Variants in GDA observed in about 807,000 individuals in gnomAD.
GDA encodes guanine deaminase.
A neutral mutation model predicts 59.6 loss-of-function variants in GDA; 18 were observed. The observed-to-expected ratio is 0.30, with a 90% confidence interval of 0.21 to 0.45. The LOEUF is 0.45. Ranked by LOEUF, GDA falls within the 20% of genes least tolerant of loss-of-function variation. The pLI is 1.00. For synonymous variants in GDA, 201 were observed against 201.1 expected (o/e 1.00, Z 0.00); for missense variants, 427 against 552.3 (o/e 0.77, Z 2.27).
chr9:72,230,751 G>A (rs1044467669), intron 9 of GDA, among the ~76,000 whole-genome samples: 1 of 152,166 alleles, frequency 6.6e-6, no homozygotes, highest in African/African-American at 2.4e-5. Flanking sequence ...TATAATTTCT[G>A]CTTCCTAACA....
Position 72,222,068 on chromosome 9 carries a change from T to C in GDA, c.607-1052T>C, listed in dbSNP as rs114343539. On this transcript the variant is annotated intron_variant, in intron 6 of 13. Coordinates refer to ENST00000358399, the MANE Select transcript of GDA (RefSeq NM_004293.5). The stretch of plus-strand genomic sequence containing the variant: ...CAGAATGATTTATTTCCTTTTGGTA[T>C]ATACCCTGTAATGGGATTGTTGAGT... 9.3e-3 allele frequency among the ~76,000 whole-genome samples: 1,418 copies of C among 152,340 alleles called. 20 individuals are homozygous for C. Among genetic ancestry groups the C allele is most frequent in the African/African-American group, 0.033 (1,363 of 41,586 alleles).
downstream of GDA, chr9:72,257,394 A>G (rs1840898657): frequency 6.6e-6 from 1 of 152,176 alleles, no homozygotes; most frequent in Non-Finnish European, 1.5e-5. Context: ...TAGCCTTCTT[A>G]TTTCCCCCAC....
intron 2 of GDA, among the ~76,000 whole-genome samples, chr9:72,200,610 T>C (rs1176985466): frequency 2.0e-5 from 3 of 151,026 alleles, no homozygotes; most frequent in African/African-American, 7.3e-5. Context: ...GAAATATTAT[T>C]TGGTTAAACA....
downstream of GDA, among the ~76,000 whole-genome samples, chr9:72,256,528 C>T (rs533922641): frequency 3.6e-4 from 55 of 152,288 alleles, no homozygotes; most frequent in South Asian, 6.2e-4. Flanking sequence ...GAATCTTTCA[C>T]AGAAGTGACA....
intron 1 of GDA, among the ~76,000 whole-genome samples, chr9:72,126,334 A>G (rs1233069611): frequency 2.6e-5 from 4 of 152,148 alleles, no homozygotes; most frequent in Non-Finnish European, 5.9e-5. Context: ...CATCCAACAG[A>G]CATTTTTTGA....
At chr9:72,161,587 C>G (rs1828635869) in intron 1 of GDA, among the ~76,000 whole-genome samples, 1 of 152,148 alleles carries the variant, frequency 6.6e-6, no homozygotes. Flanking sequence ...TTAACTCTGA[C>G]TATGTTAAGG....
chr9:72,151,395 G>T (rs1295112364), intron 1 of GDA, among the ~76,000 whole-genome samples: 1 of 152,114 alleles, frequency 6.6e-6, no homozygotes, highest in Non-Finnish European at 1.5e-5. Flanking sequence ...CAAGGCAGTT[G>T]ATACCTGGCT....
rs956618463 is a variant in GDA, at chr9:72,150,958, C to T, written c.123+1276C>T. Among the ~76,000 whole-genome samples, 5 of 152,022 alleles carry T rather than the reference C, an allele frequency of 3.3e-5. No individual in the cohort carries two copies. In the South Asian group the frequency reaches 8.3e-4, roughly 25 times the overall value. On this transcript the variant is annotated intron_variant, in intron 1 of 13. Coordinates refer to ENST00000358399, the MANE Select transcript of GDA (RefSeq NM_004293.5). ...GGGCAAGTCCCAGGAAGCAAAGGAA[C>T]GGAGATTGCTAAACTGGTGTAAGAT...
intron 9 of GDA, among the ~76,000 whole-genome samples, chr9:72,230,393 A>G (rs530776044): frequency 6.6e-6 from 1 of 152,008 alleles, no homozygotes; most frequent in South Asian, 2.1e-4. Context: ...AGGCTGATGT[A>G]GGAGAATCGC....
Position 72,250,141 on chromosome 9 carries a change from C to CA in GDA, c.*1804dup, listed in dbSNP as rs1324817299. ...TCTCCCCATTTCTCTACGGGGCTAGCAAAAATCTTCAGCTTTATCACTCAA... is the reference window on the plus strand; with the variant it reads ...TCTCCCCATTTCTCTACGGGGCTAGCAAAAAATCTTCAGCTTTATCACTCAA... On this transcript the variant is annotated 3_prime_UTR_variant, in exon 14 of 14. Transcript: ENST00000358399. The CA allele has an allele frequency of 2.0e-6, 2 of 984,650 alleles. No homozygotes were observed. The highest frequency in any genetic ancestry group is 1.7e-5 in the African/African-American group (1 of 57,204). The allele number at this position is 984,650 out of a possible 1,614,324, so 61.0% of individuals were successfully genotyped here.
chr9:72,232,476 A>G (rs1247626825), intron 10 of GDA, among the ~76,000 whole-genome samples: 1 of 152,236 alleles, frequency 6.6e-6, no homozygotes, highest in Admixed American at 6.5e-5. Flanking sequence ...GATTGTGATA[A>G]TTCTACATAA....
intron 5 of GDA, among the ~76,000 whole-genome samples, chr9:72,217,302 C>T (rs1038193540): frequency 5.3e-5 from 8 of 152,206 alleles, no homozygotes; most frequent in African/African-American, 1.7e-4. Flanking sequence ...AGCATATTTG[C>T]AGAGACTCCA....
chr9:72,194,543 C>T (rs1219645481), intron 1 of GDA, among the ~76,000 whole-genome samples: 2 of 152,078 alleles, frequency 1.3e-5, no homozygotes, highest in Non-Finnish European at 2.9e-5. Flanking sequence ...AGGAAGGAGT[C>T]TCTTTTGGAG....
At position 72,249,990 on chromosome 9, in the gene GDA, AT is replaced by A; in HGVS notation, c.*1655del. 2 of 957,540 alleles carry A rather than the reference AT, an allele frequency of 2.1e-6. No individual in the cohort carries two copies. The highest frequency in any genetic ancestry group is 2.5e-6 in the Non-Finnish European group (2 of 804,648). The allele number at this position is 957,540 out of a possible 1,614,324, so 59.3% of individuals were successfully genotyped here. On this transcript the variant is annotated 3_prime_UTR_variant, in exon 14 of 14. Transcript: ENST00000358399. ...TAAAGAGGGAACAAAAGTTAGTTTT[AT>A]TTTTTTAATAAACAACAGAGTTTGT...
intron 1 of GDA, among the ~76,000 whole-genome samples, chr9:72,191,245 A>G (rs935393107): frequency 2.0e-5 from 3 of 152,188 alleles, no homozygotes; most frequent in African/African-American, 7.2e-5. Context: ...GACTATGGCT[A>G]TTCCATCTAC....
intron 10 of GDA, among the ~76,000 whole-genome samples, chr9:72,239,589 T>C (rs944581109): frequency 1.3e-5 from 2 of 152,198 alleles, no homozygotes; most frequent in Admixed American, 6.5e-5. Context: ...CATAGTGATA[T>C]AATTTTTATT....
intron 10 of GDA, 21 bp from the exon 11 acceptor site, chr9:72,241,131 G>C: frequency 6.4e-7 from 1 of 1,566,322 alleles, no homozygotes; most frequent in South Asian, 1.1e-5. Context: ...TACTGTTTTG[G>C]TTTTATTTTA....
chr9:72,138,010 G>A (rs1035105868), intron 1 of GDA, among the ~76,000 whole-genome samples: 1 of 152,184 alleles, frequency 6.6e-6, no homozygotes, highest in African/African-American at 2.4e-5. Flanking sequence ...CAGAGGCTGA[G>A]ACTGCTTCTG....
intron 2 of GDA, among the ~76,000 whole-genome samples, chr9:72,198,124 G>A (rs781395949): frequency 2.6e-5 from 4 of 152,182 alleles, no homozygotes; most frequent in Non-Finnish European, 4.4e-5. Flanking sequence ...GGCTGGGCGC[G>A]GTGGCTCACC....
Sources: allele counts gnomAD v4.1 joint callset (sites outside exome capture counted in the v4.1 genomes callset), GRCh38; gene constraint gnomAD v4.1.1; transcripts MANE v1.5; gene names NCBI Gene and HGNC (gene_info 2026-07-23, HGNC 2026-07-21).